Variants in DOP1A observed in about 807,000 individuals in gnomAD.
The protein encoded by DOP1A is protein DOP1A.
DOP1A carries 90 observed loss-of-function variants against 267.6 expected under a neutral mutation model. The ratio of observed to expected loss-of-function variants is 0.34; its 90% CI spans 0.28 to 0.40. The LOEUF (loss-of-function observed/expected upper bound fraction) is 0.40, where lower values mean the gene tolerates loss of function less well. DOP1A is among the 10% of genes least tolerant of loss of function. The pLI is 1.00. For synonymous variants in DOP1A, 932 were observed against 999.1 expected (o/e 0.93, Z 1.27); for missense variants, 2,437 against 2,900.4 (o/e 0.84, Z 3.67).
At chr6:83,134,498 G>A (rs1014731496) in intron 19 of DOP1A, 19 of 442,058 alleles carry the variant, frequency 4.3e-5, no homozygotes, top group East Asian at 2.2e-4. Context: ...TGGAGTACCC[G>A]GCTCCACTTC....
chr6:83,129,305 G>A lies in DOP1A; in HGVS notation c.2138G>A (p.Arg713Gln), dbSNP rs749004130. ...LATEHQGDLG[R>Q]EQGETSKWDR... ...ACAGAACATCAAGGGGATCTTGGTC[G>A]AGAACAAGGAGAGACTTCAAAATGG... The change falls in exon 16 of 39, where the codon CGA becomes CAA. Residue 713 changes from arginine to glutamine, a missense_variant. Physicochemically the swap from Arg to Gln is conservative, Grantham distance 43 (BLOSUM62 1). This residue lies in a region of DOP1A where 498 missense variants were observed against 513.5 expected (regional missense o/e 0.97). Coordinates refer to ENST00000349129, the MANE Select transcript of DOP1A (RefSeq NM_015018.4). The A allele has an allele frequency of 1.2e-5, 20 of 1,605,480 alleles. No individual in the cohort carries two copies. The highest frequency in any genetic ancestry group is 7.9e-5 in the South Asian group (7 of 89,132).
chr6:83,151,752 C>T, intron 28 of DOP1A, 93 bp downstream of exon 28: 2 of 1,434,626 alleles, frequency 1.4e-6, no homozygotes, highest in African/African-American at 1.4e-5. Context: ...AAGTTTCTTT[C>T]AACTCTGAAC....
intron 7 of DOP1A, among the ~76,000 whole-genome samples, chr6:83,113,669 CAT>C (rs1237923132): frequency 6.6e-6 from 1 of 152,062 alleles, no homozygotes; most frequent in Non-Finnish European, 1.5e-5. Context: ...AAAGTTGTAA[CAT>C]ATAAAAAGCA....
chr6:83,143,285 C>G (rs1417056529), intron 24 of DOP1A, among the ~76,000 whole-genome samples: 3 of 152,124 alleles, frequency 2.0e-5, no homozygotes, highest in Non-Finnish European at 4.4e-5. Context: ...GCCTGTAGAC[C>G]TATCTACTCA....
chr6:83,149,714 C>G (rs1354979726), intron 27 of DOP1A, among the ~76,000 whole-genome samples: 1 of 151,934 alleles, frequency 6.6e-6, no homozygotes, highest in Non-Finnish European at 1.5e-5. Flanking sequence ...AATTCTATTT[C>G]AAGTGGGAAG....
At chr6:83,104,074 T>G (rs955781095) in intron 4 of DOP1A, among the ~76,000 whole-genome samples, 1 of 152,220 alleles carries the variant, frequency 6.6e-6, no homozygotes, top group African/African-American at 2.4e-5. Context: ...TAGTCCTTTT[T>G]GCTTCTTATT....
rs1434369715 is a variant in DOP1A, at chr6:83,088,123, C to T, written c.-146-8608C>T. Among the ~76,000 whole-genome samples the T allele has an allele frequency of 5.3e-5, 8 of 152,212 alleles. No individual in the cohort carries two copies. In the South Asian group the frequency reaches 8.3e-4, roughly 16 times the overall value. ...TCCTGACCTCATGATCTACCCCTCT[C>T]GGTCTCCCAAAGTGTTGGGATTACA... On this transcript the variant is annotated intron_variant, in intron 1 of 38. Coordinates refer to ENST00000349129, the MANE Select transcript of DOP1A (RefSeq NM_015018.4).
intron 11 of DOP1A, among the ~76,000 whole-genome samples, 164 bp downstream of exon 11, chr6:83,122,214 G>T (rs1290803566): frequency 6.6e-6 from 1 of 151,832 alleles, no homozygotes; most frequent in African/African-American, 2.4e-5. Flanking sequence ...CATACTAGTT[G>T]TATTGACAGT....
At position 83,145,533 on chromosome 6, in the gene DOP1A, G is replaced by T; in HGVS notation, c.5551G>T (p.Ala1851Ser). 2.5e-6 allele frequency: 4 copies of T among 1,595,636 alleles called. No homozygotes were observed. Among genetic ancestry groups the T allele is most frequent in the Non-Finnish European group, 3.4e-6 (4 of 1,170,694 alleles). Reference protein sequence around the residue: ...KTTTRTKVIPAASEEQLLLVE... With the variant: ...KTTTRTKVIPSASEEQLLLVE... ...ATGATTTATTACCTAGGTCATTCCT[G>T]CAGCCAGTGAAGAACAGCTTTTATT... is the stretch of plus-strand genomic sequence containing the variant. The change falls in exon 25 of 39, where the codon GCA becomes TCA. Residue 1851 changes from alanine to serine, a missense_variant. By Grantham distance (99) the Ala-to-Ser change is moderately conservative. This residue lies in a region of DOP1A where 307 missense variants were observed against 308.6 expected (regional missense o/e 0.99). Transcript: ENST00000349129.
intron 30 of DOP1A, 102 bp from the exon 31 acceptor site, chr6:83,153,409 A>G (rs1782116183): frequency 1.5e-6 from 1 of 647,112 alleles, no homozygotes; most frequent in Non-Finnish European, 2.5e-6. Flanking sequence ...AGATTTTTCT[A>G]ATTTTAAGTA....
At chr6:83,128,432 G>A (rs1226584272) in intron 15 of DOP1A, among the ~76,000 whole-genome samples, 1 of 152,134 alleles carries the variant, frequency 6.6e-6, no homozygotes, top group Non-Finnish European at 1.5e-5. Context: ...CTGAAAGAAA[G>A]TAAGATTAAT....
intron 7 of DOP1A, 80 bp downstream of exon 7, chr6:83,113,501 C>T (rs1402769373): frequency 8.7e-7 from 1 of 1,143,202 alleles, no homozygotes; most frequent in African/African-American, 1.5e-5. Context: ...TTTTTAAAGG[C>T]ATGTGTGTTG....
At chr6:83,140,907 T>C (rs2128279765) in intron 23 of DOP1A, among the ~76,000 whole-genome samples, 1 of 152,290 alleles carries the variant, frequency 6.6e-6, no homozygotes, top group South Asian at 2.1e-4. Context: ...CATTTTAATA[T>C]GCAAAGCCCT....
Position 83,137,327 on chromosome 6 carries a change from T to C in DOP1A, c.3285T>C (p.Asp1095=), listed in dbSNP as rs780421452. ...AGACAATTCCAATGGTTGTGTCTGA[T>C]TTTGATCTTCCAGACCAACAGATAG... ...SSETIPMVVS[D]FDLPDQQIEI... Residue 1095 remains aspartate, a synonymous_variant, in exon 21 of 39, where the codon GAT becomes GAC. Coordinates refer to ENST00000349129, the MANE Select transcript of DOP1A (RefSeq NM_015018.4). 1.7e-5 allele frequency: 28 copies of C among 1,613,790 alleles called. No homozygotes were observed. The highest frequency in any genetic ancestry group is 2.1e-5 in the Non-Finnish European group (25 of 1,179,772).
chr6:83,139,812 T>C (rs1160644939), intron 21 of DOP1A, among the ~76,000 whole-genome samples, 188 bp from the exon 22 acceptor site: 1 of 152,148 alleles, frequency 6.6e-6, no homozygotes, highest in Non-Finnish European at 1.5e-5. Context: ...CTCTAGTACA[T>C]TTAGTCCAAC....
At chr6:83,084,723 C>T (rs1451730907) in intron 1 of DOP1A, among the ~76,000 whole-genome samples, 3 of 151,830 alleles carry the variant, frequency 2.0e-5, no homozygotes, top group Admixed American at 6.6e-5. Flanking sequence ...GCTGGGATTA[C>T]AGGCACGCAC....
chr6:83,109,193 T>TA (rs1774139590), intron 5 of DOP1A, 113 bp downstream of exon 5: 4 of 883,640 alleles, frequency 4.5e-6, no homozygotes, highest in Middle Eastern at 2.3e-4. Context: ...CAGTTCAGTA[T>TA]ATCACATGAA....
intron 17 of DOP1A, among the ~76,000 whole-genome samples, chr6:83,131,708 T>C (rs780015032): frequency 6.6e-6 from 1 of 152,064 alleles, no homozygotes; most frequent in Non-Finnish European, 1.5e-5. Flanking sequence ...CAATCTCTGC[T>C]CACTACAACT....
At chr6:83,160,963 T>C (rs1784104330) in intron 37 of DOP1A, among the ~76,000 whole-genome samples, 1 of 152,066 alleles carries the variant, frequency 6.6e-6, no homozygotes, top group South Asian at 2.1e-4. Flanking sequence ...TTTTCTCTTC[T>C]ACTTGAAAAC....
Sources: gnomAD v4.1 joint callset for allele counts (sites outside exome capture counted in the v4.1 genomes callset) on GRCh38, gnomAD v4.1.1 for gene constraint, gnomAD v4.1.1 regional missense constraint, MANE v1.5 for transcripts, NCBI Gene and HGNC (gene_info 2026-07-23, HGNC 2026-07-21) for gene names.